Variants in LDB2 observed in about 807,000 individuals in gnomAD.
The protein encoded by LDB2 is LIM domain-binding protein 2.
In LDB2, 12 loss-of-function variants were observed where a neutral mutation model predicts 44.3. That is an observed-to-expected ratio of 0.27 (90% confidence interval 0.17 to 0.44). The LOEUF is 0.44. Ranked by LOEUF, LDB2 falls within the 20% of genes least tolerant of loss-of-function variation. LDB2 has a pLI of 1.00. For missense variants in LDB2, 344 were observed against 473.5 expected (o/e 0.73, Z 2.54); for synonymous variants, 164 against 174.8 (o/e 0.94, Z 0.49).
intron 1 of LDB2, among the ~76,000 whole-genome samples, chr4:16,815,292 A>T (rs1780699217): frequency 6.6e-6 from 1 of 152,222 alleles, no homozygotes; most frequent in South Asian, 2.1e-4. Flanking sequence ...GTCTACCTCT[A>T]AACTATCCCT....
At chr4:16,678,805 C>G (rs1484638380) in intron 2 of LDB2, among the ~76,000 whole-genome samples, 1 of 152,196 alleles carries the variant, frequency 6.6e-6, no homozygotes, top group African/African-American at 2.4e-5. Flanking sequence ...GTCTTCTCTG[C>G]AGCCCCATAA....
intron 1 of LDB2, among the ~76,000 whole-genome samples, chr4:16,883,857 T>C (rs1408409337): frequency 6.6e-6 from 1 of 151,980 alleles, no homozygotes; most frequent in African/African-American, 2.4e-5. Flanking sequence ...GCAAATAAAA[T>C]GTCACAAGGC....
intron 2 of LDB2, among the ~76,000 whole-genome samples, chr4:16,610,262 A>G (rs1406099647): frequency 2.6e-5 from 4 of 152,106 alleles, no homozygotes; most frequent in Non-Finnish European, 4.4e-5. Flanking sequence ...AGAAAGTATC[A>G]GTGAAAAAAT....
chr4:16,791,144 C>T (rs1275695652), intron 1 of LDB2, among the ~76,000 whole-genome samples: 1 of 152,208 alleles, frequency 6.6e-6, no homozygotes, highest in Non-Finnish European at 1.5e-5. Context: ...TTAGGATTTC[C>T]ATGACAAAGC....
intron 1 of LDB2, among the ~76,000 whole-genome samples, chr4:16,821,323 A>G (rs1357835443): frequency 6.6e-6 from 1 of 152,164 alleles, no homozygotes; most frequent in Non-Finnish European, 1.5e-5. Flanking sequence ...TCAAAAAGGT[A>G]GAAAAGAGCT....
intron 1 of LDB2, among the ~76,000 whole-genome samples, chr4:16,769,913 G>A (rs1169403851): frequency 6.6e-6 from 1 of 152,110 alleles, no homozygotes; most frequent in African/African-American, 2.4e-5. Flanking sequence ...AGAAAGACAA[G>A]ACTTGGTATC....
intron 1 of LDB2, among the ~76,000 whole-genome samples, chr4:16,897,941 C>CATAT (rs1344219101): frequency 5.7e-4 from 6 of 10,494 alleles, no homozygotes; most frequent in Non-Finnish European, 7.9e-4. Flanking sequence ...TATATATACA[C>CATAT]ATATGTATAT....
intron 1 of LDB2, among the ~76,000 whole-genome samples, chr4:16,874,177 A>C (rs1332244097): frequency 6.6e-6 from 1 of 152,194 alleles, no homozygotes; most frequent in Non-Finnish European, 1.5e-5. Context: ...TTATAACAAA[A>C]TTAGATGATA....
intron 2 of LDB2, among the ~76,000 whole-genome samples, chr4:16,751,675 C>T (rs1490302963): frequency 6.6e-6 from 1 of 152,170 alleles, no homozygotes; most frequent in Admixed American, 6.5e-5. Context: ...TAAATAAAAT[C>T]AAATCAAAAG....
At chr4:16,829,066 C>T (rs1783580636) in intron 1 of LDB2, among the ~76,000 whole-genome samples, 1 of 152,160 alleles carries the variant, frequency 6.6e-6, no homozygotes, top group South Asian at 2.1e-4. Context: ...ACCCACTCCC[C>T]TCCTCCCTCA....
chr4:16,559,577 T>G (rs149604291), intron 5 of LDB2, among the ~76,000 whole-genome samples: 10,271 of 152,184 alleles, frequency 0.067, 463 homozygotes, highest in South Asian at 0.15. Context: ...AAGTCCTTAG[T>G]GACCTACAAA....
chr4:16,546,544 T>C (rs879371596), intron 5 of LDB2, among the ~76,000 whole-genome samples: 1 of 152,080 alleles, frequency 6.6e-6, no homozygotes, highest in Admixed American at 6.5e-5. Context: ...TTCATTTGGG[T>C]TTTTCGAGGC....
intron 1 of LDB2, among the ~76,000 whole-genome samples, chr4:16,843,775 C>A (rs1208081604): frequency 2.0e-5 from 3 of 152,060 alleles, no homozygotes; most frequent in Non-Finnish European, 2.9e-5. Flanking sequence ...ACATGTGCCA[C>A]CACGCCCAGC....
At chr4:16,720,455 A>T (rs1459826215) in intron 2 of LDB2, among the ~76,000 whole-genome samples, 2 of 152,090 alleles carry the variant, frequency 1.3e-5, no homozygotes, top group African/African-American at 4.8e-5. Context: ...ACATAAACCA[A>T]TTCCTTGCAA....
intron 1 of LDB2, among the ~76,000 whole-genome samples, chr4:16,837,768 T>C (rs1211674303): frequency 6.6e-6 from 1 of 152,218 alleles, no homozygotes; most frequent in East Asian, 1.9e-4. Flanking sequence ...CTCAGTGCAG[T>C]CAAATTTACT....
intron 2 of LDB2, among the ~76,000 whole-genome samples, chr4:16,714,608 C>A (rs1756659145): frequency 6.6e-6 from 1 of 152,100 alleles, no homozygotes; most frequent in Admixed American, 6.5e-5. Context: ...AGTTTCCTGT[C>A]TGCTATCACA....
At chr4:16,893,155 A>C (rs751121158) in intron 1 of LDB2, 17 of 672,016 alleles carry the variant, frequency 2.5e-5, no homozygotes, top group Non-Finnish European at 3.1e-5. Context: ...TTTTGGTTTC[A>C]TTTAACATTT....
intron 1 of LDB2, among the ~76,000 whole-genome samples, chr4:16,805,314 G>A (rs1267711449): frequency 6.6e-6 from 1 of 152,188 alleles, no homozygotes; most frequent in Non-Finnish European, 1.5e-5. Flanking sequence ...TTTAAATGCT[G>A]GGTAAGTCAA....
chr4:16,538,223 A>G (rs954071039), intron 5 of LDB2, among the ~76,000 whole-genome samples: 35 of 152,350 alleles, frequency 2.3e-4, no homozygotes, highest in African/African-American at 8.2e-4. Flanking sequence ...GGCCCAGAGC[A>G]GAACAACAAG....
Sources: allele counts gnomAD v4.1 joint callset (sites outside exome capture counted in the v4.1 genomes callset), GRCh38; gene constraint gnomAD v4.1.1; transcripts MANE v1.5; gene names NCBI Gene and HGNC (gene_info 2026-07-23, HGNC 2026-07-21).